FAAH2: variants seen among roughly 807,000 people sequenced by gnomAD.
FAAH2 encodes fatty-acid amide hydrolase 2.
A neutral mutation model predicts 36.9 loss-of-function variants in FAAH2; 60 were observed. The ratio of observed to expected loss-of-function variants is 1.63; its 90% CI spans 1.32 to 2.02. The LOEUF (loss-of-function observed/expected upper bound fraction) is 2.02, where lower values mean the gene tolerates loss of function less well. FAAH2 is among the 30% of genes most tolerant of loss of function. FAAH2 has a pLI of 0.00. For missense variants in FAAH2, 689 were observed against 397.5 expected (o/e 1.73, Z -6.23); for synonymous variants, 214 against 143.8 (o/e 1.49, Z -3.49).
intron 5 of FAAH2, among the ~76,000 whole-genome samples, chrX:57,369,560 G>A (rs12014510): frequency 6.1e-4 from 68 of 111,316 alleles, no homozygotes; most frequent in African/African-American, 2.0e-3. Context: ...AGAATGGGAT[G>A]GTATATCAAA....
chrX:57,161,542 G>T, the FAAH2 span, among the ~76,000 whole-genome samples: 1 of 111,497 alleles, frequency 9.0e-6, no homozygotes, highest in Non-Finnish European at 1.9e-5. Flanking sequence ...ATCTGGGTGT[G>T]CCTGTATTGG....
chrX:57,436,704 A>G (rs2056418896), intron 8 of FAAH2, among the ~76,000 whole-genome samples: 1 of 111,577 alleles, frequency 9.0e-6, no homozygotes, highest in Non-Finnish European at 1.9e-5. Context: ...ATCAGGAGGT[A>G]ATAGAGAACT....
rs192558542 is a variant in FAAH2, at chrX:57,395,550, G to T, written c.996+14521G>T. ...GATGGCTTTTATTAATTTGAGGTAT[G>T]TATATTAAATGCCTAGTTGGTTGTG... On this transcript the variant is annotated intron_variant, in intron 7 of 10. Coordinates refer to ENST00000374900, the MANE Select transcript of FAAH2 (RefSeq NM_174912.4). The T allele has an allele frequency of 1.9e-3, 550 of 293,431 alleles. 1 individual carries two copies. The highest frequency in any genetic ancestry group is 2.7e-3 in the Non-Finnish European group (452 of 165,551). The allele number at this position is 293,431 out of a possible 1,213,427, so 24.2% of individuals were successfully genotyped here. A position where few individuals can be genotyped will look rare whatever the true frequency, so the allele number is the denominator to read the frequency against.
At chrX:57,152,756 C>T in the FAAH2 span, among the ~76,000 whole-genome samples, 6 of 111,572 alleles carry the variant, frequency 5.4e-5, no homozygotes, top group African/African-American at 2.0e-4. Context: ...AGCTCGTGCC[C>T]GGTGTGCTGC....
At chrX:57,238,596 T>A in the FAAH2 span, among the ~76,000 whole-genome samples, 5 of 111,509 alleles carry the variant, frequency 4.5e-5, no homozygotes, top group South Asian at 1.1e-3. Flanking sequence ...ATTACCTGTA[T>A]AACAAACCTG....
chrX:57,341,209 A>G, intron 4 of FAAH2, 62 bp from the exon 5 acceptor site: 1 of 1,101,033 alleles, frequency 9.1e-7, no homozygotes, highest in African/African-American at 1.8e-5. Context: ...AGATGGAAAA[A>G]GATATTCCAT....
intron 5 of FAAH2, among the ~76,000 whole-genome samples, chrX:57,364,059 T>C (rs1247239330): frequency 3.4e-5 from 3 of 89,451 alleles, no homozygotes; most frequent in Non-Finnish European, 6.4e-5. Context: ...GGTGTCAGAA[T>C]GATTCATGCT....
At position 57,331,513 on chromosome X, in the gene FAAH2, A is replaced by T. The variant is rs1409651402; in HGVS notation, c.413-85A>T. 7 of 774,561 alleles carry T rather than the reference A, an allele frequency of 9.0e-6. No homozygotes were observed. In the African/African-American group the frequency reaches 1.5e-4, roughly 17 times the overall value. 63.8% of individuals were successfully genotyped at this position (774,561 alleles called of 1,213,427 possible). A position where few individuals can be genotyped will look rare whatever the true frequency, so the allele number is the denominator to read the frequency against. ...TGTGGGAGATGTTCCTTCTGGCTAC[A>T]TCTAGTTGGCCATCTTGCCCCTCAG... On this transcript the variant is annotated intron_variant, in intron 3 of 10. Coordinates refer to ENST00000374900, the MANE Select transcript of FAAH2 (RefSeq NM_174912.4).
At chrX:57,320,471 A>T (rs1209818728) in intron 3 of FAAH2, among the ~76,000 whole-genome samples, 9 of 112,557 alleles carry the variant, frequency 8.0e-5, no homozygotes, top group Non-Finnish European at 1.7e-4. Context: ...ACAATGAGAT[A>T]CCATCACATG....
At chrX:57,208,076 C>T in the FAAH2 span, among the ~76,000 whole-genome samples, 7 of 112,790 alleles carry the variant, frequency 6.2e-5, no homozygotes, top group East Asian at 1.7e-3. Flanking sequence ...TCTTGTCTAG[C>T]TTGCTGAATT....
At chrX:57,354,043 A>G (rs969690919) in intron 5 of FAAH2, among the ~76,000 whole-genome samples, 2 of 110,753 alleles carry the variant, frequency 1.8e-5, no homozygotes, top group African/African-American at 6.5e-5. Flanking sequence ...AGGTTTTTCA[A>G]AGGGGTAATA....
chrX:57,164,773 AAAT>A, the FAAH2 span, among the ~76,000 whole-genome samples: 4 of 112,800 alleles, frequency 3.5e-5, no homozygotes, highest in East Asian at 2.8e-4. Flanking sequence ...CATTTTGTAA[AAAT>A]AATAACAACT....
At chrX:57,194,173 G>A in the FAAH2 span, among the ~76,000 whole-genome samples, 1 of 110,836 alleles carries the variant, frequency 9.0e-6, no homozygotes, top group Non-Finnish European at 1.9e-5. Flanking sequence ...CATTACTAGG[G>A]GACTTTTTAT....
chrX:57,195,586 C>T, the FAAH2 span, among the ~76,000 whole-genome samples: 1 of 111,812 alleles, frequency 8.9e-6, no homozygotes, highest in Non-Finnish European at 1.9e-5. Context: ...ATTTCTTTTG[C>T]TGTGAGGCTT....
chrX:57,453,205 G>A (rs1367348330), intron 10 of FAAH2, among the ~76,000 whole-genome samples: 1 of 112,469 alleles, frequency 8.9e-6, no homozygotes, highest in Non-Finnish European at 1.9e-5. Context: ...TAAAATTTCA[G>A]TGATACTAAC....
At chrX:57,154,512 A>G in the FAAH2 span, among the ~76,000 whole-genome samples, 4 of 109,582 alleles carry the variant, frequency 3.7e-5, no homozygotes, top group Non-Finnish European at 7.6e-5. Context: ...ACCTCAGGTG[A>G]TCTGCCCACC....
chrX:57,222,489 G>A, the FAAH2 span, among the ~76,000 whole-genome samples: 1 of 111,863 alleles, frequency 8.9e-6, no homozygotes, highest in Non-Finnish European at 1.9e-5. Flanking sequence ...ACCATTCTCC[G>A]ATGGCCTGCC....
the FAAH2 span, among the ~76,000 whole-genome samples, chrX:57,131,172 G>A: frequency 1.9e-5 from 2 of 103,133 alleles, no homozygotes; most frequent in Admixed American, 1.1e-4. Flanking sequence ...TGCAAGCTCC[G>A]CTTCCCGGGT....
intron 7 of FAAH2, chrX:57,394,904 C>G (rs1285915154): frequency 2.7e-6 from 2 of 739,471 alleles, no homozygotes; most frequent in African/African-American, 2.1e-5. Flanking sequence ...TTTACTGCAC[C>G]CAACCACCAC....
Sources: allele counts gnomAD v4.1 joint callset (sites outside exome capture counted in the v4.1 genomes callset), GRCh38; gene constraint gnomAD v4.1.1; transcripts MANE v1.5; gene names NCBI Gene and HGNC (gene_info 2026-07-23, HGNC 2026-07-21).